Variants in HM13 observed in about 807,000 individuals in gnomAD.
HM13 encodes histocompatibility minor 13.
A neutral mutation model predicts 50.0 loss-of-function variants in HM13; 18 were observed. The ratio of observed to expected loss-of-function variants is 0.36; its 90% confidence interval spans 0.25 to 0.53. HM13 has a LOEUF of 0.53. HM13 is among the 20% of genes least tolerant of loss of function. The probability of loss-of-function intolerance (pLI) is 0.90; values close to 1 mark genes in which losing one functional copy is unlikely to be tolerated. For missense variants in HM13, 393 were observed against 552.4 expected (o/e 0.71, Z 2.89); for synonymous variants, 197 against 232.6 (o/e 0.85, Z 1.39).
intron 3 of HM13, among the ~76,000 whole-genome samples, chr20:31,544,467 C>G (rs929014383): frequency 2.0e-5 from 3 of 152,190 alleles, no homozygotes; most frequent in East Asian, 1.9e-4. Context: ...GTAAAAATCT[C>G]AGTCCTGCTG....
chr20:31,549,853 C>T (rs1983933086), intron 6 of HM13, among the ~76,000 whole-genome samples: 1 of 152,154 alleles, frequency 6.6e-6, no homozygotes, highest in African/African-American at 2.4e-5. Flanking sequence ...CTTGGGCCAT[C>T]AGAGGTCTTT....
Position 31,546,447 on chromosome 20 carries a change from A to AT in HM13, c.454+1424dup, listed in dbSNP as rs1238367528. Among the ~76,000 whole-genome samples, 82 of 146,382 alleles carry AT rather than the reference A, an allele frequency of 5.6e-4. 1 individual carries two copies. The highest frequency in any genetic ancestry group is 9.9e-4 in the East Asian group (5 of 5,034). Reference sequence around the variant, plus strand: ...AGGAACCTCTGTTAAACAATTGTTGATTTTTTTTTTTTAAAGACTGAGCTT... The same window carrying AT: ...AGGAACCTCTGTTAAACAATTGTTGATTTTTTTTTTTTTAAAGACTGAGCTT... On this transcript the variant is annotated intron_variant, in intron 4 of 12. Coordinates refer to ENST00000398174, the MANE Select transcript of HM13 (RefSeq NM_178581.3).
chr20:31,533,014 A>T (rs565174901), intron 2 of HM13, among the ~76,000 whole-genome samples: 2 of 152,254 alleles, frequency 1.3e-5, no homozygotes, highest in African/African-American at 4.8e-5. Flanking sequence ...ATGCCTCTAG[A>T]GTGTCCCCAG....
At chr20:31,521,600 A>C (rs1172702769) in intron 1 of HM13, among the ~76,000 whole-genome samples, 1 of 151,998 alleles carries the variant, frequency 6.6e-6, no homozygotes, top group African/African-American at 2.4e-5. Flanking sequence ...GTGGTGGTAC[A>C]TGCCTGTAGT....
At chr20:31,560,980 G>A (rs2122654000) in intron 9 of HM13, among the ~76,000 whole-genome samples, 1 of 152,354 alleles carries the variant, frequency 6.6e-6, no homozygotes, top group Admixed American at 6.5e-5. Context: ...GGAGAGGGAA[G>A]TCACGTAATG....
chr20:31,520,352 G>A (rs1011363188), intron 1 of HM13, among the ~76,000 whole-genome samples: 1 of 151,974 alleles, frequency 6.6e-6, no homozygotes, highest in Non-Finnish European at 1.5e-5. Context: ...TGGCCAGGCT[G>A]GAGTGCAGTG....
At chr20:31,517,692 G>A (rs1364493782) in intron 1 of HM13, among the ~76,000 whole-genome samples, 1 of 152,186 alleles carries the variant, frequency 6.6e-6, no homozygotes, top group Non-Finnish European at 1.5e-5. Flanking sequence ...AGTGAAGAGT[G>A]TGGTGTGAGC....
intron 1 of HM13, among the ~76,000 whole-genome samples, chr20:31,517,291 A>G (rs1315537567): frequency 6.6e-6 from 1 of 152,144 alleles, no homozygotes; most frequent in Non-Finnish European, 1.5e-5. Flanking sequence ...AGCCTCCAGG[A>G]GTATGTTGTG....
Position 31,514,820 on chromosome 20 carries a change from C to G in HM13, c.183+86C>G. The G allele has an allele frequency of 8.1e-7, 1 of 1,241,276 alleles. No homozygotes were observed. The highest frequency in any genetic ancestry group is 1.1e-6 in the Non-Finnish European group (1 of 919,612). The allele number at this position is 1,241,276 out of a possible 1,614,324, so 76.9% of individuals were successfully genotyped here. A position where few individuals can be genotyped will look rare whatever the true frequency, so the allele number is the denominator to read the frequency against. On this transcript the variant is annotated intron_variant, in intron 1 of 12. Transcript: ENST00000398174. The surrounding 1 kb of genome is among the most constrained non-coding windows in gnomAD (Gnocchi z 4.3). ...CCCTTCCTAGGCGGGACAGACACCT[C>G]TCCCCGGACACTGACTCTTCCCAGC...
At chr20:31,519,105 T>G (rs567550676) in intron 1 of HM13, among the ~76,000 whole-genome samples, 1 of 152,254 alleles carries the variant, frequency 6.6e-6, no homozygotes, top group African/African-American at 2.4e-5. Flanking sequence ...TGATTTTTTT[T>G]GTTGTTGTTT....
chr20:31,568,982 G>A, intron 12 of HM13, 138 bp from the exon 13 acceptor site: 1 of 614,730 alleles, frequency 1.6e-6, no homozygotes, highest in Non-Finnish European at 2.9e-6. Flanking sequence ...TTAGGTGCTG[G>A]GCAGTGGACA....
At chr20:31,519,529 A>G (rs542880534) in intron 1 of HM13, among the ~76,000 whole-genome samples, 6 of 152,302 alleles carry the variant, frequency 3.9e-5, no homozygotes, top group Admixed American at 3.9e-4. Flanking sequence ...CAGTTTGCTT[A>G]GAATGCTAGT....
intron 2 of HM13, among the ~76,000 whole-genome samples, chr20:31,529,587 C>T (rs1982691211): frequency 6.6e-6 from 1 of 152,020 alleles, no homozygotes; most frequent in Non-Finnish European, 1.5e-5. Flanking sequence ...TTTTCCTGGT[C>T]ATTGAAAATT....
intron 11 of HM13, chr20:31,567,784 ATT>A: frequency 2.9e-6 from 1 of 346,222 alleles, no homozygotes; most frequent in Non-Finnish European, 5.2e-6. Flanking sequence ...TTCTTGGAGC[ATT>A]CTGCACATTG....
chr20:31,568,358 A>G, intron 12 of HM13, 134 bp downstream of exon 12: 5 of 1,265,448 alleles, frequency 4.0e-6, no homozygotes, highest in Non-Finnish European at 5.3e-6. Flanking sequence ...GCTCCTCCAC[A>G]ACCACCAGGC....
intron 3 of HM13, chr20:31,539,082 A>T (rs923474222): frequency 5.1e-6 from 5 of 985,262 alleles, no homozygotes; most frequent in Non-Finnish European, 6.0e-6. Context: ...CTGCTACCCT[A>T]ACTCAAACTG....
intron 12 of HM13, 28 bp downstream of exon 12, chr20:31,568,252 C>T (rs757849219): frequency 5.6e-6 from 9 of 1,607,496 alleles, no homozygotes; most frequent in African/African-American, 4.0e-5. Flanking sequence ...CCCACCTGCC[C>T]GCTTCCCCCT....
At chr20:31,561,601 CCCT>C (rs758123121) in intron 9 of HM13, 30 bp from the exon 10 acceptor site, 10 of 1,438,014 alleles carry the variant, frequency 7.0e-6, no homozygotes, top group Middle Eastern at 1.7e-4. Context: ...CTATATCTAA[CCCT>C]CCTCCTCTTT....
At chr20:31,557,433 G>A (rs987453138) in intron 8 of HM13, among the ~76,000 whole-genome samples, 1 of 152,198 alleles carries the variant, frequency 6.6e-6, no homozygotes, top group Non-Finnish European at 1.5e-5. Context: ...CACAATAAAT[G>A]TAAGTTGATC....
Sources: gnomAD v4.1 joint callset for allele counts (sites outside exome capture counted in the v4.1 genomes callset) on GRCh38, gnomAD v4.1.1 for gene constraint, Gnocchi (gnomAD v3.1) non-coding constraint, MANE v1.5 for transcripts, NCBI Gene and HGNC (gene_info 2026-07-23, HGNC 2026-07-21) for gene names.